The following POLR3B variants were observed in gnomAD, a reference collection of about 807,000 sequenced individuals.
POLR3B encodes DNA-directed RNA polymerase III subunit RPC2.
Under a neutral mutation model 147.4 loss-of-function variants are expected in POLR3B, and 96 were observed. The observed-to-expected ratio is 0.65, with a 90% CI of 0.55 to 0.77. POLR3B has a LOEUF of 0.77. POLR3B is among the 30% of genes least tolerant of loss of function. The pLI, the probability that POLR3B is intolerant of heterozygous loss-of-function variation, is 0.00. For synonymous variants in POLR3B, 461 were observed against 485.9 expected, an observed-to-expected ratio of 0.95 and a Z score of 0.67; for missense variants, 1,036 against 1,413.5, an observed-to-expected ratio of 0.73 and a Z score of 4.28.
chr12:106,482,797 TATG>T (rs1407824899), intron 23 of POLR3B, among the ~76,000 whole-genome samples: 4 of 152,238 alleles, frequency 2.6e-5, no homozygotes, highest in African/African-American at 4.8e-5. Flanking sequence ...GGTATCCACT[TATG>T]ATGTTTGAGG....
At chr12:106,457,452 C>T (rs1040546449) in intron 21 of POLR3B, among the ~76,000 whole-genome samples, 156 bp downstream of exon 21, 1 of 152,152 alleles carries the variant, frequency 6.6e-6, no homozygotes. Context: ...GATGAATTTC[C>T]TTCCAGTCTG....
chr12:106,492,656 G>C (rs1433215960), intron 23 of POLR3B, among the ~76,000 whole-genome samples: 1 of 152,220 alleles, frequency 6.6e-6, no homozygotes, highest in East Asian at 1.9e-4. Flanking sequence ...CTTGGAAATA[G>C]AAATAACAAA....
chr12:106,364,730 A>G (rs1450157174), intron 2 of POLR3B, among the ~76,000 whole-genome samples: 1 of 152,252 alleles, frequency 6.6e-6, no homozygotes, highest in Non-Finnish European at 1.5e-5. Flanking sequence ...ATGGATACAC[A>G]AAATGGGATG....
intron 22 of POLR3B, among the ~76,000 whole-genome samples, chr12:106,461,749 A>C (rs774607305): frequency 4.6e-5 from 7 of 152,118 alleles, no homozygotes; most frequent in Non-Finnish European, 8.8e-5. Flanking sequence ...TGATGTTGTG[A>C]CACTGCTCTC....
intron 23 of POLR3B, among the ~76,000 whole-genome samples, chr12:106,480,207 C>T (rs1407760996): frequency 1.3e-5 from 2 of 152,026 alleles, no homozygotes; most frequent in Non-Finnish European, 2.9e-5. Context: ...ATTTTCCTCT[C>T]CTATTTGTTT....
At chr12:106,463,411 A>G (rs905663090) in intron 22 of POLR3B, 67 bp from the exon 23 acceptor site, 3 of 1,386,958 alleles carry the variant, frequency 2.2e-6, no homozygotes, top group African/African-American at 2.8e-5. Context: ...ATGAAATATA[A>G]CATGGGTGAG....
chr12:106,501,530 C>T, intron 26 of POLR3B, 94 bp downstream of exon 26: 1 of 784,344 alleles, frequency 1.3e-6, no homozygotes, highest in South Asian at 1.6e-5. Context: ...AACAAAGTTT[C>T]TGTTTTCCTG....
chr12:106,437,843 T>C (rs1248596792), intron 18 of POLR3B, 64 bp downstream of exon 18: 3 of 865,240 alleles, frequency 3.5e-6, no homozygotes, highest in Non-Finnish European at 5.9e-6. Context: ...ACCTTCTCTT[T>C]TACTGTCATC....
intron 23 of POLR3B, among the ~76,000 whole-genome samples, chr12:106,469,671 T>C (rs201352956): frequency 1.3e-5 from 2 of 152,224 alleles, no homozygotes; most frequent in Non-Finnish European, 2.9e-5. Context: ...TCAGCATTTG[T>C]TTGTCTGTAA....
At chr12:106,435,522 G>A (rs780519039) in intron 16 of POLR3B, among the ~76,000 whole-genome samples, 1 of 151,816 alleles carries the variant, frequency 6.6e-6, no homozygotes, top group African/African-American at 2.4e-5. Flanking sequence ...CTTTGCAACC[G>A]AAGAATGGTT....
chr12:106,370,294 A>C (rs1157386845), intron 6 of POLR3B, among the ~76,000 whole-genome samples: 1 of 152,242 alleles, frequency 6.6e-6, no homozygotes, highest in Non-Finnish European at 1.5e-5. Context: ...CCATTTGTTC[A>C]ATAAATATAT....
intron 5 of POLR3B, 62 bp downstream of exon 5, chr12:106,369,412 T>C (rs1422398393): frequency 2.9e-6 from 3 of 1,029,708 alleles, no homozygotes; most frequent in African/African-American, 1.6e-5. Context: ...GCCCTTAATA[T>C]ATACTCTTAA....
intron 9 of POLR3B, among the ~76,000 whole-genome samples, chr12:106,384,935 C>T (rs1317954593): frequency 6.6e-6 from 1 of 151,618 alleles, no homozygotes. Flanking sequence ...AAGCTATTCT[C>T]CTGCCTCAGC....
Position 106,453,078 on chromosome 12 carries a change from G to T in POLR3B, c.2084-1424G>T, listed in dbSNP as rs145992701. ...CTTGCTCTATTGCCCAGGCTGGAGT[G>T]TAGTGGTATGATCTTAGCTCACTGC... On this transcript the variant is annotated intron_variant, in intron 19 of 27. Coordinates refer to ENST00000228347, the MANE Select transcript of POLR3B (RefSeq NM_018082.6). Among the ~76,000 whole-genome samples, 907 of 148,002 alleles carry T rather than the reference G, an allele frequency of 6.1e-3. 9 individuals are homozygous for T. The highest frequency in any genetic ancestry group is 0.022 in the African/African-American group (877 of 39,768).
Position 106,463,490 on chromosome 12 carries a change from A to C in POLR3B, c.2583A>C (p.Ala861=). Residue 861 remains alanine, a synonymous_variant, in exon 23 of 28, where the codon GCA becomes GCC. Transcript: ENST00000228347. ...YKDVPITYKG[A]TDSYIEKVMI... The stretch of plus-strand genomic sequence containing the variant: ...CTCTTAACACCAGCTACAAAGGAGC[A>C]ACAGACTCATATATTGAAAAAGTGA... The C allele has an allele frequency of 6.2e-7, 1 of 1,613,632 alleles. No homozygotes were observed. Among genetic ancestry groups the C allele is most frequent in the Non-Finnish European group, 8.5e-7 (1 of 1,179,624 alleles).
chr12:106,450,642 A>G (rs1192347561), intron 19 of POLR3B, among the ~76,000 whole-genome samples: 2 of 152,204 alleles, frequency 1.3e-5, no homozygotes, highest in African/African-American at 2.4e-5. Context: ...TAAGACCCCT[A>G]TAAGATACTA....
intron 9 of POLR3B, among the ~76,000 whole-genome samples, chr12:106,387,296 A>G (rs2036853968): frequency 6.6e-6 from 1 of 152,126 alleles, no homozygotes; most frequent in Non-Finnish European, 1.5e-5. Context: ...TAGAAGTTGC[A>G]TACTTGTGGT....
At chr12:106,496,005 T>C in intron 23 of POLR3B, 50 bp from the exon 24 acceptor site, 1 of 1,087,046 alleles carries the variant, frequency 9.2e-7, no homozygotes, top group South Asian at 1.2e-5. Context: ...TACTGTATTC[T>C]TCCTTTCTGC....
chr12:106,380,746 C>T (rs567540185), intron 9 of POLR3B, among the ~76,000 whole-genome samples: 1 of 152,166 alleles, frequency 6.6e-6, no homozygotes. Flanking sequence ...AAGACCCAGT[C>T]TCAAAACCAA....
Sources: gnomAD v4.1 joint callset for allele counts (sites outside exome capture counted in the v4.1 genomes callset) on GRCh38, gnomAD v4.1.1 for gene constraint, MANE v1.5 for transcripts, NCBI Gene and HGNC (gene_info 2026-07-23, HGNC 2026-07-21) for gene names.